The following TMEM38A variants were observed in gnomAD, a reference collection of about 807,000 sequenced individuals.
The protein encoded by TMEM38A is transmembrane protein 38A, also known as trimeric intracellular cation channel type A.
TMEM38A carries 17 observed loss-of-function variants against 28.6 expected under a neutral mutation model. The ratio of observed to expected loss-of-function variants is 0.60; its 90% confidence interval spans 0.41 to 0.89. The LOEUF (loss-of-function observed/expected upper bound fraction) is 0.89, where lower values mean the gene tolerates loss of function less well. Ranked by LOEUF, TMEM38A falls within the 40% of genes least tolerant of loss-of-function variation. TMEM38A has a pLI of 0.00. For synonymous variants in TMEM38A, 169 were observed against 166.1 expected, an observed-to-expected ratio of 1.02 and a Z score of -0.14; for missense variants, 328 against 393.1, an observed-to-expected ratio of 0.83 and a Z score of 1.40.
intron 5 of TMEM38A, 27 bp downstream of exon 5, chr19:16,686,432 C>A: frequency 6.3e-7 from 1 of 1,581,814 alleles, no homozygotes; most frequent in South Asian, 1.1e-5. Flanking sequence ...TTGCAGCATT[C>A]TTGCCTTGAC....
intron 1 of TMEM38A, among the ~76,000 whole-genome samples, chr19:16,678,290 G>C (rs199904175): frequency 2.0e-5 from 3 of 152,024 alleles, no homozygotes; most frequent in African/African-American, 7.2e-5. Context: ...TTAGTTGGGC[G>C]TGGTGGCGCA....
intron 1 of TMEM38A, among the ~76,000 whole-genome samples, chr19:16,675,135 C>T (rs2086744735): frequency 6.6e-6 from 1 of 152,154 alleles, no homozygotes; most frequent in South Asian, 2.1e-4. Flanking sequence ...CTAACATGGT[C>T]AAGTTCTAAT....
intron 4 of TMEM38A, among the ~76,000 whole-genome samples, chr19:16,683,237 A>G (rs1019733384): frequency 2.0e-5 from 3 of 151,958 alleles, no homozygotes; most frequent in African/African-American, 7.3e-5. Context: ...GCCTCCCAAA[A>G]TACCGGGATT....
intron 5 of TMEM38A, among the ~76,000 whole-genome samples, chr19:16,686,627 C>G (rs566247751): frequency 2.6e-5 from 4 of 152,126 alleles, no homozygotes; most frequent in African/African-American, 9.6e-5. Flanking sequence ...TGTAAAGGAC[C>G]CAGCCTGAGC....
chr19:16,674,047 C>T (rs994172281), intron 1 of TMEM38A, among the ~76,000 whole-genome samples: 1 of 152,046 alleles, frequency 6.6e-6, no homozygotes, highest in Non-Finnish European at 1.5e-5. Context: ...GATTGCATCA[C>T]TGCACTCCAG....
intron 5 of TMEM38A, among the ~76,000 whole-genome samples, chr19:16,687,668 A>C (rs989927425): frequency 3.9e-5 from 6 of 152,120 alleles, no homozygotes; most frequent in Non-Finnish European, 5.9e-5. Flanking sequence ...CGCATGGTGG[A>C]AGGGACTGGT....
intron 4 of TMEM38A, among the ~76,000 whole-genome samples, chr19:16,683,837 G>GT: frequency 6.6e-6 from 1 of 152,256 alleles, no homozygotes; most frequent in Middle Eastern, 3.4e-3. Flanking sequence ...GGGTGTGGTG[G>GT]TGCATGCCTG....
At chr19:16,666,049 C>T (rs1263165262) in intron 1 of TMEM38A, among the ~76,000 whole-genome samples, 5 of 151,532 alleles carry the variant, frequency 3.3e-5, no homozygotes, top group South Asian at 2.1e-4. Flanking sequence ...GGCTCGATCC[C>T]GGCTCACTGC....
At chr19:16,671,229 G>A (rs1483079071) in intron 1 of TMEM38A, among the ~76,000 whole-genome samples, 9 of 105,780 alleles carry the variant, frequency 8.5e-5, no homozygotes, top group Admixed American at 3.5e-4. Context: ...TTTTTGAGGC[G>A]GAGTCTCACT....
chr19:16,666,963 A>G (rs1464824183), intron 1 of TMEM38A, among the ~76,000 whole-genome samples: 1 of 149,396 alleles, frequency 6.7e-6, no homozygotes, highest in Non-Finnish European at 1.5e-5. Flanking sequence ...AAAAAAAAAA[A>G]AAAGAAAAGA....
chr19:16,688,392 G>A lies in TMEM38A; in HGVS notation c.*21G>A, dbSNP rs776351754. The A allele has an allele frequency of 2.2e-5, 34 of 1,529,514 alleles. No homozygotes were observed. Among genetic ancestry groups the A allele is most frequent in the East Asian group, 1.9e-4 (8 of 42,112 alleles). The allele number at this position is 1,529,514 out of a possible 1,614,324, so 94.7% of individuals were successfully genotyped here. A position where few individuals can be genotyped will look rare whatever the true frequency, so the allele number is the denominator to read the frequency against. On this transcript the variant is annotated 3_prime_UTR_variant, in exon 6 of 6. Coordinates refer to ENST00000187762, the MANE Select transcript of TMEM38A (RefSeq NM_024074.4). ...ATTAGGGGGTGGCCCAAGGGGCACC[G>A]GGGAGAGGACCCGGACCCAGGACCC...
intron 3 of TMEM38A, among the ~76,000 whole-genome samples, chr19:16,681,419 G>A (rs577438433): frequency 6.6e-6 from 1 of 152,210 alleles, no homozygotes; most frequent in South Asian, 2.1e-4. Flanking sequence ...TAGAAACAGA[G>A]CACCAAAATA....
At chr19:16,670,281 T>G (rs571418373) in intron 1 of TMEM38A, among the ~76,000 whole-genome samples, 45 of 150,598 alleles carry the variant, frequency 3.0e-4, no homozygotes, top group South Asian at 1.9e-3. Context: ...TTTTTGTTTT[T>G]TTTTTTTTTT....
intron 1 of TMEM38A, among the ~76,000 whole-genome samples, chr19:16,665,572 G>A (rs962372074): frequency 1.3e-5 from 2 of 152,142 alleles, no homozygotes; most frequent in African/African-American, 4.8e-5. Context: ...CACCACAATG[G>A]TTATTTCACC....
intron 4 of TMEM38A, among the ~76,000 whole-genome samples, chr19:16,685,049 TGTAAATAAATAAATAA>T (rs1255877165): frequency 1.5e-5 from 2 of 136,480 alleles, no homozygotes; most frequent in Non-Finnish European, 3.1e-5. Context: ...ACCCTGTCTC[TGTAAATAAATAAATAA>T]ATAAATAAAT....
intron 1 of TMEM38A, among the ~76,000 whole-genome samples, chr19:16,665,235 G>C (rs891008966): frequency 4.0e-5 from 6 of 148,814 alleles, no homozygotes; most frequent in African/African-American, 1.5e-4. Flanking sequence ...CAGAGGTTGC[G>C]GTGAGCCAAG....
chr19:16,679,484 G>A (rs2086770123), intron 1 of TMEM38A, among the ~76,000 whole-genome samples: 1 of 151,906 alleles, frequency 6.6e-6, no homozygotes, highest in Non-Finnish European at 1.5e-5. Flanking sequence ...TTAGGGACGG[G>A]GTTTCACCAT....
chr19:16,679,182 A>AGAAG (rs1555710102), intron 1 of TMEM38A, among the ~76,000 whole-genome samples: 3 of 139,884 alleles, frequency 2.1e-5, no homozygotes, highest in Admixed American at 7.2e-5. Context: ...AAAAAAAAAA[A>AGAAG]AAGAATACCA....
At chr19:16,676,337 C>T (rs2086751345) in intron 1 of TMEM38A, among the ~76,000 whole-genome samples, 1 of 152,140 alleles carries the variant, frequency 6.6e-6, no homozygotes, top group African/African-American at 2.4e-5. Context: ...GCCTGCGGGA[C>T]AGAGCGAGAC....
Sources: gnomAD v4.1 joint callset for allele counts (sites outside exome capture counted in the v4.1 genomes callset) on GRCh38, gnomAD v4.1.1 for gene constraint, MANE v1.5 for transcripts, NCBI Gene and HGNC (gene_info 2026-07-23, HGNC 2026-07-21) for gene names.